The following IFT88 variants were observed in gnomAD, a reference collection of about 807,000 sequenced individuals.
The protein encoded by IFT88 is intraflagellar transport 88.
IFT88 carries 74 observed loss-of-function variants against 119.5 expected under a neutral mutation model. The observed-to-expected ratio is 0.62, with a 90% CI of 0.51 to 0.75. The LOEUF (loss-of-function observed/expected upper bound fraction) is 0.75. Ranked by LOEUF, IFT88 falls within the 30% of genes least tolerant of loss-of-function variation. The pLI, the probability that IFT88 is intolerant of heterozygous loss-of-function variation, is 0.00. For missense variants in IFT88, 961 were observed against 977.7 expected (o/e 0.98, Z 0.23); for synonymous variants, 279 against 316.7 (o/e 0.88, Z 1.26).
chr13:20,643,858 A>G (rs1326702443), intron 19 of IFT88, among the ~76,000 whole-genome samples: 3 of 152,138 alleles, frequency 2.0e-5, no homozygotes, highest in African/African-American at 2.4e-5. Flanking sequence ...GGTTTAAGCA[A>G]TTCTCTTGCC....
At chr13:20,617,160 G>A (rs1566212736) in intron 14 of IFT88, among the ~76,000 whole-genome samples, 1 of 152,050 alleles carries the variant, frequency 6.6e-6, no homozygotes, top group Non-Finnish European at 1.5e-5. Flanking sequence ...TGTAGAAAAA[G>A]TGATACTATT....
At chr13:20,690,675 A>G (rs1447638495) in intron 24 of IFT88, 30 bp from the exon 25 acceptor site, 4 of 1,380,528 alleles carry the variant, frequency 2.9e-6, no homozygotes, top group East Asian at 2.3e-5. Context: ...AACATATTAA[A>G]CAAATGCATT....
chr13:20,653,912 T>A lies in IFT88; in HGVS notation c.1986T>A (p.Ser662Arg). 6.3e-7 allele frequency: 1 copy of A among 1,587,708 alleles called. No homozygotes were observed. The highest frequency in any genetic ancestry group is 8.6e-7 in the Non-Finnish European group (1 of 1,166,314). ...TQVKWQLMVA[S>R]CFRRSGNYQK... ...TGAAATGGCAGCTGATGGTAGCTAGTTGTTTCAGAAGAAGTGGTAAATGCT... is the reference window on the plus strand; with the variant it reads ...TGAAATGGCAGCTGATGGTAGCTAGATGTTTCAGAAGAAGTGGTAAATGCT... Residue 662 changes from serine (S) to arginine (R), a missense_variant, in exon 21 of 26, where the codon AGT becomes AGA. By Grantham distance (110) the Ser-to-Arg change is moderately radical (BLOSUM62 -1). Coordinates refer to ENST00000351808, the MANE Select transcript of IFT88 (RefSeq NM_006531.5).
At chr13:20,687,175 A>T (rs2141284089) in intron 24 of IFT88, among the ~76,000 whole-genome samples, 1 of 151,996 alleles carries the variant, frequency 6.6e-6, no homozygotes, top group Non-Finnish European at 1.5e-5. Flanking sequence ...ATGTGTTAAG[A>T]TTTTTTTTGC....
chr13:20,657,591 C>G (rs1325110811), intron 22 of IFT88, among the ~76,000 whole-genome samples: 2 of 152,056 alleles, frequency 1.3e-5, no homozygotes, highest in African/African-American at 4.8e-5. Context: ...AATAACATCC[C>G]TATAGCAAAT....
chr13:20,601,140 C>T (rs1316242185), intron 11 of IFT88, among the ~76,000 whole-genome samples: 2 of 152,082 alleles, frequency 1.3e-5, no homozygotes, highest in Admixed American at 6.6e-5. Flanking sequence ...CCGAGGCGGG[C>T]GAATCACCTG....
intron 11 of IFT88, 143 bp downstream of exon 11, chr13:20,599,708 C>T (rs954267657): frequency 2.9e-5 from 16 of 545,656 alleles, no homozygotes; most frequent in Non-Finnish European, 4.9e-5. Flanking sequence ...TGATCTGTTC[C>T]CTTCTTACTA....
At chr13:20,597,807 A>G (rs2042000870) in intron 9 of IFT88, among the ~76,000 whole-genome samples, 1 of 151,072 alleles carries the variant, frequency 6.6e-6, no homozygotes, top group African/African-American at 2.4e-5. Flanking sequence ...CTGCAAACCT[A>G]CCATGCAATG....
chr13:20,665,920 G>A (rs2054597786), intron 23 of IFT88, among the ~76,000 whole-genome samples: 1 of 152,160 alleles, frequency 6.6e-6, no homozygotes. Flanking sequence ...AAAAAATGTG[G>A]GCAGAGGTCT....
At chr13:20,646,957 G>A (rs527656779) in intron 20 of IFT88, among the ~76,000 whole-genome samples, 1 of 151,828 alleles carries the variant, frequency 6.6e-6, no homozygotes, top group East Asian at 1.9e-4. Context: ...CACAGGCTGT[G>A]AAATACTGTC....
At chr13:20,588,514 T>C (rs1566091574) in intron 3 of IFT88, among the ~76,000 whole-genome samples, 1 of 152,218 alleles carries the variant, frequency 6.6e-6, no homozygotes, top group East Asian at 1.9e-4. Context: ...TTTATGGCTC[T>C]ATGTCTGCAC....
Position 20,571,286 on chromosome 13 carries a change from G to A in IFT88, c.-6-3094G>A, listed in dbSNP as rs28715491. 6.4e-3 allele frequency among the ~76,000 whole-genome samples: 977 copies of A among 152,302 alleles called. 9 individuals carry two copies. The highest frequency in any genetic ancestry group is 0.02 in the African/African-American group (824 of 41,582). On this transcript the variant is annotated intron_variant, in intron 1 of 25. Coordinates refer to ENST00000351808, the MANE Select transcript of IFT88 (RefSeq NM_006531.5). ...TGGGATTATAGGCGTGAGCCACTGCGCCCAGCCTAAGCTGAAAATTTCTTA... is the reference window on the plus strand; with the variant it reads ...TGGGATTATAGGCGTGAGCCACTGCACCCAGCCTAAGCTGAAAATTTCTTA...
At chr13:20,677,955 TA>T (rs755892440) in intron 24 of IFT88, among the ~76,000 whole-genome samples, 2 of 152,176 alleles carry the variant, frequency 1.3e-5, no homozygotes, top group African/African-American at 2.4e-5. Context: ...AAGAAACTAA[TA>T]GGGGCAGTTG....
At chr13:20,625,313 T>C (rs1022559553) in intron 14 of IFT88, among the ~76,000 whole-genome samples, 2 of 152,194 alleles carry the variant, frequency 1.3e-5, no homozygotes, top group Non-Finnish European at 2.9e-5. Context: ...GCCCCTGTTA[T>C]AGAGTAAACA....
chr13:20,608,244 A>G, intron 13 of IFT88: 1 of 247,652 alleles, frequency 4.0e-6, no homozygotes, highest in Non-Finnish European at 8.0e-6. Flanking sequence ...GTGAATGTAC[A>G]ACCCAGCCGA....
intron 7 of IFT88, 118 bp downstream of exon 7, chr13:20,592,522 T>G (rs1593918379): frequency 1.5e-6 from 1 of 664,122 alleles, no homozygotes; most frequent in Admixed American, 3.1e-5. Flanking sequence ...CAGGCTGGAG[T>G]GCAGTGATGC....
intron 16 of IFT88, among the ~76,000 whole-genome samples, chr13:20,632,950 A>G (rs2048423798): frequency 6.6e-6 from 1 of 152,216 alleles, no homozygotes; most frequent in African/African-American, 2.4e-5. Context: ...GAAAGGTATC[A>G]TATCCCTCAT....
At chr13:20,575,596 C>A (rs1454466771) in intron 2 of IFT88, among the ~76,000 whole-genome samples, 1 of 152,134 alleles carries the variant, frequency 6.6e-6, no homozygotes, top group Non-Finnish European at 1.5e-5. Flanking sequence ...ATCCTCACCC[C>A]ATGTGATGTG....
In IFT88 at chr13:20,658,488, T is replaced by C. The variant is rs190197175; in HGVS notation, c.2068+2058T>C. ...TTTCCTATTTCTGTTTAAAGAACTTTCTATGTGATTCTTAATCTCAGTCAC... is the reference window on the plus strand; with the variant it reads ...TTTCCTATTTCTGTTTAAAGAACTTCCTATGTGATTCTTAATCTCAGTCAC... On this transcript the variant is annotated intron_variant, in intron 22 of 25. Coordinates refer to ENST00000351808, the MANE Select transcript of IFT88 (RefSeq NM_006531.5). Among the ~76,000 whole-genome samples the C allele has an allele frequency of 1.9e-3, 295 of 152,342 alleles. 4 individuals carry two copies. The highest frequency in any genetic ancestry group is 0.014 in the Admixed American group (220 of 15,302).
Sources: allele counts gnomAD v4.1 joint callset (sites outside exome capture counted in the v4.1 genomes callset), GRCh38; gene constraint gnomAD v4.1.1; transcripts MANE v1.5; gene names NCBI Gene and HGNC (gene_info 2026-07-23, HGNC 2026-07-21).